The following DLGAP1 variants were observed in gnomAD, a reference collection of about 807,000 sequenced individuals.
DLGAP1 encodes DLG associated protein 1.
Under a neutral mutation model 90.8 loss-of-function variants are expected in DLGAP1, and 11 were observed. That is an observed-to-expected ratio of 0.12 (90% CI 0.08 to 0.20). The LOEUF (loss-of-function observed/expected upper bound fraction) is 0.20, where lower values mean the gene tolerates loss of function less well. DLGAP1 is among the 10% of genes least tolerant of loss of function. DLGAP1 has a pLI of 1.00. For synonymous variants in DLGAP1, 558 were observed against 540.7 expected, an observed-to-expected ratio of 1.03 and a Z score of -0.44; for missense variants, 1,050 against 1,333.8, an observed-to-expected ratio of 0.79 and a Z score of 3.31.
chr18:3,946,302 C>T (rs971171315), intron 3 of DLGAP1, among the ~76,000 whole-genome samples: 4 of 152,164 alleles, frequency 2.6e-5, no homozygotes, highest in African/African-American at 9.7e-5. Context: ...GGTGGACAGA[C>T]ATGAAGTATA....
At chr18:4,079,287 TCACACACA>T (rs6146196) in intron 2 of DLGAP1, among the ~76,000 whole-genome samples, 9,686 of 142,438 alleles carry the variant, frequency 0.068, 463 homozygotes, top group Admixed American at 0.16. Flanking sequence ...AAAGAAAATG[TCACACACA>T]CACACACACA....
chr18:3,914,406 G>A (rs2072099243), intron 3 of DLGAP1, among the ~76,000 whole-genome samples: 1 of 152,118 alleles, frequency 6.6e-6, no homozygotes, highest in Non-Finnish European at 1.5e-5. Flanking sequence ...AGACTGAATA[G>A]TGTTCAATTT....
rs552539425 is a variant in DLGAP1, at chr18:3,517,739, C to G, written c.2480-9078G>C. Among the ~76,000 whole-genome samples the G allele has an allele frequency of 1.4e-4, 21 of 152,114 alleles. No homozygotes were observed. The East Asian group carries it at 3.1e-3, about 22-fold the overall frequency. ...GGCTGAGGCAGGAGAATCACTTGAA[C>G]CCGGGAGGCAGAGGTTGCAGTGAGC... On this transcript the variant is annotated intron_variant, in intron 10 of 12. Coordinates refer to ENST00000315677, the MANE Select transcript of DLGAP1 (RefSeq NM_004746.4). This position sits in a 1 kb window ranked among gnomAD's most constrained non-coding sequence, Gnocchi z 4.1.
At chr18:4,404,832 G>A (rs1047380059) in intron 1 of DLGAP1, among the ~76,000 whole-genome samples, 2 of 152,146 alleles carry the variant, frequency 1.3e-5, no homozygotes, top group Non-Finnish European at 2.9e-5. Flanking sequence ...GACATGGGCT[G>A]ATTATGTAAG....
At chr18:4,298,710 A>G (rs1298169696) in intron 1 of DLGAP1, among the ~76,000 whole-genome samples, 1 of 152,022 alleles carries the variant, frequency 6.6e-6, no homozygotes, top group Non-Finnish European at 1.5e-5. Context: ...CCAGCATGGC[A>G]CATGTATACA....
intron 7 of DLGAP1, among the ~76,000 whole-genome samples, chr18:3,707,281 A>G (rs1303583440): frequency 1.3e-5 from 2 of 152,316 alleles, no homozygotes; most frequent in East Asian, 3.9e-4. Context: ...ACTACTTCTC[A>G]TGCTTTTGAT....
intron 1 of DLGAP1, among the ~76,000 whole-genome samples, chr18:4,169,323 T>C (rs1215760267): frequency 6.6e-6 from 1 of 152,180 alleles, no homozygotes; most frequent in Non-Finnish European, 1.5e-5. Context: ...ATTTTCTTAA[T>C]GTATATTTCC....
chr18:3,833,668 T>A (rs1043243295), intron 4 of DLGAP1, among the ~76,000 whole-genome samples: 1 of 152,214 alleles, frequency 6.6e-6, no homozygotes, highest in African/African-American at 2.4e-5. Context: ...CTAGCACGTG[T>A]GATCAATGAA....
chr18:3,833,517 G>A (rs1003141742), intron 4 of DLGAP1, among the ~76,000 whole-genome samples: 2 of 152,248 alleles, frequency 1.3e-5, no homozygotes, highest in Non-Finnish European at 2.9e-5. Flanking sequence ...TTACAGGTGT[G>A]AGCCACCGCA....
At chr18:3,562,539 CTTTTTTT>C (rs59612709) in intron 9 of DLGAP1, among the ~76,000 whole-genome samples, 3 of 118,156 alleles carry the variant, frequency 2.5e-5, no homozygotes, top group African/African-American at 3.5e-5. Flanking sequence ...TCTTCTCTCC[CTTTTTTT>C]TTTTTTTTTT....
At chr18:3,999,963 C>T (rs564438133) in intron 3 of DLGAP1, among the ~76,000 whole-genome samples, 2 of 152,262 alleles carry the variant, frequency 1.3e-5, no homozygotes, top group East Asian at 1.9e-4. Flanking sequence ...AGGCACATGC[C>T]ACTGCGCCTG....
At chr18:3,988,020 T>C (rs1298984839) in intron 3 of DLGAP1, among the ~76,000 whole-genome samples, 2 of 152,118 alleles carry the variant, frequency 1.3e-5, no homozygotes, top group Admixed American at 6.6e-5. Context: ...TATTATTACA[T>C]TGTAATATGT....
intron 1 of DLGAP1, among the ~76,000 whole-genome samples, chr18:4,393,756 A>G (rs1266361212): frequency 6.6e-6 from 1 of 152,180 alleles, no homozygotes; most frequent in Non-Finnish European, 1.5e-5. Context: ...CATGGAAGAC[A>G]GTTTTTCCAC....
chr18:4,156,981 A>T (rs1028535108), intron 1 of DLGAP1, among the ~76,000 whole-genome samples: 2 of 152,224 alleles, frequency 1.3e-5, no homozygotes, highest in Non-Finnish European at 2.9e-5. Context: ...CTACAGTTGT[A>T]TCTTTAAAAT....
At chr18:4,279,800 T>C (rs1320430100) in intron 1 of DLGAP1, among the ~76,000 whole-genome samples, 1 of 152,220 alleles carries the variant, frequency 6.6e-6, no homozygotes, top group African/African-American at 2.4e-5. Context: ...AAGCATATCA[T>C]CTCAATGTTT....
At chr18:4,164,653 C>T (rs2076903541) in intron 1 of DLGAP1, among the ~76,000 whole-genome samples, 2 of 152,104 alleles carry the variant, frequency 1.3e-5, no homozygotes, top group African/African-American at 2.4e-5. Context: ...GCTCCCCAGC[C>T]TGGGCAGCAG....
At position 3,772,340 on chromosome 18, in the gene DLGAP1, CTCTCTCTCTTTCTTTCTT is replaced by C. The variant is rs1211543845; in HGVS notation, c.1173-29846_1173-29829del. Among the ~76,000 whole-genome samples the C allele has an allele frequency of 2.5e-3, 130 of 51,316 alleles. 4 individuals are homozygous for C. Among genetic ancestry groups the C allele is most frequent in the African/African-American group, 7.8e-3 (98 of 12,502 alleles). The allele number at this position is 51,316 out of a possible 152,430, so 33.7% of individuals were successfully genotyped here. ...TTCCTTCCTTTCTCTCCTTCTCTCT[CTCTCTCTCTTTCTTTCTT>C]TCTTTCTTTCTTTCTTTCTTTCTTT... is the stretch of plus-strand genomic sequence containing the variant. On this transcript the variant is annotated intron_variant, in intron 5 of 12. Transcript: ENST00000315677.
chr18:4,101,279 G>A (rs570629827), intron 2 of DLGAP1, among the ~76,000 whole-genome samples: 6 of 152,160 alleles, frequency 3.9e-5, no homozygotes, highest in South Asian at 2.1e-4. Flanking sequence ...CTGTGTCTCC[G>A]GAAATATGAA....
chr18:3,617,106 G>A (rs769569775), intron 7 of DLGAP1, among the ~76,000 whole-genome samples: 8 of 152,196 alleles, frequency 5.3e-5, no homozygotes, highest in East Asian at 1.9e-4. Flanking sequence ...GAACTACCCC[G>A]CCAAAGCTCT....
Sources: allele counts gnomAD v4.1 joint callset (sites outside exome capture counted in the v4.1 genomes callset), GRCh38; gene constraint gnomAD v4.1.1; non-coding constraint Gnocchi (gnomAD v3.1); transcripts MANE v1.5; gene names NCBI Gene and HGNC (gene_info 2026-07-23, HGNC 2026-07-21).